Variants in KCNIP4 observed in about 807,000 individuals in gnomAD.
KCNIP4 encodes the protein potassium voltage-gated channel interacting protein 4, also known as Kv channel-interacting protein 4.
Under a neutral mutation model 34.0 loss-of-function variants are expected in KCNIP4, and 12 were observed. That is an observed-to-expected ratio of 0.35 (90% CI 0.23 to 0.57). The LOEUF (loss-of-function observed/expected upper bound fraction) is 0.57, where lower values mean the gene tolerates loss of function less well. KCNIP4 is among the 20% of genes least tolerant of loss of function. The pLI is 0.83. For missense variants in KCNIP4, 238 were observed against 311.7 expected (o/e 0.76, Z 1.78); for synonymous variants, 124 against 102.2 (o/e 1.21, Z -1.29).
At chr4:21,314,555 G>A (rs1713531672) in intron 1 of KCNIP4, among the ~76,000 whole-genome samples, 1 of 152,154 alleles carries the variant, frequency 6.6e-6, no homozygotes, top group Non-Finnish European at 1.5e-5. Context: ...GAGGCTGAAG[G>A]ATATTTTTTT....
intron 1 of KCNIP4, among the ~76,000 whole-genome samples, chr4:21,366,910 G>T (rs920014596): frequency 3.9e-5 from 6 of 152,142 alleles, no homozygotes; most frequent in Middle Eastern, 3.2e-3. Context: ...ATATGTTGAA[G>T]TTTAATCACC....
intron 1 of KCNIP4, among the ~76,000 whole-genome samples, chr4:21,063,425 T>C (rs908422646): frequency 6.6e-6 from 1 of 152,178 alleles, no homozygotes; most frequent in African/African-American, 2.4e-5. Flanking sequence ...CTTTTCTTGA[T>C]ATCTTTTTAT....
chr4:21,906,320 A>C (rs1727999117), intron 1 of KCNIP4, among the ~76,000 whole-genome samples: 1 of 152,152 alleles, frequency 6.6e-6, no homozygotes, highest in East Asian at 1.9e-4. Context: ...ATTACAGCAA[A>C]AGTGTCCTTG....
intron 3 of KCNIP4, among the ~76,000 whole-genome samples, chr4:20,824,928 T>A (rs1411113505): frequency 1.3e-5 from 2 of 152,194 alleles, no homozygotes; most frequent in Non-Finnish European, 2.9e-5. Context: ...ACCCTAAATG[T>A]GGTTAGACTC....
intron 1 of KCNIP4, among the ~76,000 whole-genome samples, chr4:21,208,674 T>G (rs189661243): frequency 6.6e-6 from 1 of 152,184 alleles, no homozygotes; most frequent in Non-Finnish European, 1.5e-5. Context: ...CCGTGCCTAT[T>G]GAAATTGCTC....
At chr4:21,135,429 A>T (rs1285361155) in intron 1 of KCNIP4, among the ~76,000 whole-genome samples, 1 of 152,184 alleles carries the variant, frequency 6.6e-6, no homozygotes, top group East Asian at 1.9e-4. Context: ...CCTTTTACTC[A>T]TAGAAAATAT....
chr4:21,484,192 T>C (rs901355226), intron 1 of KCNIP4, among the ~76,000 whole-genome samples: 1 of 146,880 alleles, frequency 6.8e-6, no homozygotes, highest in African/African-American at 2.5e-5. Context: ...TTTGGGAGGC[T>C]GAGGTGGGCA....
chr4:21,838,213 A>G (rs1723465309), intron 1 of KCNIP4, among the ~76,000 whole-genome samples: 1 of 152,026 alleles, frequency 6.6e-6, no homozygotes, highest in East Asian at 1.9e-4. Flanking sequence ...TTAATCTTCA[A>G]CCCCCCTGGA....
intron 1 of KCNIP4, among the ~76,000 whole-genome samples, chr4:21,544,022 G>A (rs987012104): frequency 1.3e-5 from 2 of 152,050 alleles, no homozygotes; most frequent in Non-Finnish European, 2.9e-5. Context: ...CTGTTAAATT[G>A]ATTTATTTTC....
At chr4:21,930,392 G>A (rs1729498461) in intron 1 of KCNIP4, among the ~76,000 whole-genome samples, 1 of 151,912 alleles carries the variant, frequency 6.6e-6, no homozygotes, top group South Asian at 2.1e-4. Context: ...GACTTCTATG[G>A]AACTGCCTCA....
chr4:21,291,685 T>C lies in KCNIP4; in HGVS notation c.62-408976A>G, dbSNP rs1419396293. Among the ~76,000 whole-genome samples, 3 of 149,652 alleles carry C rather than the reference T, an allele frequency of 2.0e-5. No homozygotes were observed. In the East Asian group the frequency reaches 5.9e-4, roughly 29 times the overall value. On this transcript the variant is annotated intron_variant, in intron 1 of 8. Coordinates refer to ENST00000382152, the MANE Select transcript of KCNIP4 (RefSeq NM_025221.6). ...TAACATGGTGAAACCCTGTCTCTAT[T>C]AAAATACAAAAAAAAAAAATTAGCC...
chr4:21,714,786 A>ACG (rs778595133), intron 1 of KCNIP4, among the ~76,000 whole-genome samples: 1 of 46,238 alleles, frequency 2.2e-5, no homozygotes, highest in African/African-American at 1.3e-4. Context: ...TTTCCCTTTG[A>ACG]TTATTTTATT....
At chr4:20,796,208 A>G (rs937880575) in intron 3 of KCNIP4, among the ~76,000 whole-genome samples, 4 of 152,202 alleles carry the variant, frequency 2.6e-5, no homozygotes, top group African/African-American at 9.6e-5. Flanking sequence ...TATTAAGTTA[A>G]TATTTACTCT....
chr4:21,749,228 G>A (rs1486291144), intron 1 of KCNIP4, among the ~76,000 whole-genome samples: 2 of 152,100 alleles, frequency 1.3e-5, no homozygotes, highest in Admixed American at 1.3e-4. Context: ...AGAGCAGAAG[G>A]CAAGTCTCCA....
At chr4:21,849,207 A>C (rs1724217650) in intron 1 of KCNIP4, 1 of 152,114 alleles carries the variant, frequency 6.6e-6, no homozygotes, top group Admixed American at 6.5e-5. Flanking sequence ...CTGAGACTTT[A>C]CTCTGTATTC....
chr4:21,382,492 G>A (rs1721599595), intron 1 of KCNIP4, among the ~76,000 whole-genome samples: 1 of 152,138 alleles, frequency 6.6e-6, no homozygotes, highest in Admixed American at 6.5e-5. Context: ...ATCCAGTAGA[G>A]TTAATAGGTG....
At chr4:21,674,377 G>A (rs1282117601) in intron 1 of KCNIP4, among the ~76,000 whole-genome samples, 1 of 152,136 alleles carries the variant, frequency 6.6e-6, no homozygotes, top group Non-Finnish European at 1.5e-5. Context: ...GGGTTAAACT[G>A]ATCTGAATAC....
At chr4:21,368,219 T>G (rs1719981966) in intron 1 of KCNIP4, among the ~76,000 whole-genome samples, 1 of 133,442 alleles carries the variant, frequency 7.5e-6, no homozygotes, top group Admixed American at 7.4e-5. Flanking sequence ...TTAGAATGAC[T>G]AGAATTTAAG....
intron 1 of KCNIP4, among the ~76,000 whole-genome samples, chr4:21,810,682 T>A (rs1578019026): frequency 1.1e-5 from 1 of 88,214 alleles, no homozygotes; most frequent in African/African-American, 4.9e-5. Context: ...AGAGCGAGAC[T>A]CCGTCTCAAA....
Sources: gnomAD v4.1 joint callset for allele counts (sites outside exome capture counted in the v4.1 genomes callset) on GRCh38, gnomAD v4.1.1 for gene constraint, MANE v1.5 for transcripts, NCBI Gene and HGNC (gene_info 2026-07-23, HGNC 2026-07-21) for gene names.